CEP89: variants seen among roughly 807,000 people sequenced by gnomAD.
The protein encoded by CEP89 is centrosomal protein 89.
CEP89 carries 95 observed loss-of-function variants against 97.6 expected under a neutral mutation model. The ratio of observed to expected loss-of-function variants is 0.97; its 90% CI spans 0.82 to 1.15. CEP89 has a LOEUF of 1.15. Ranked by LOEUF, CEP89 falls within the 50% of genes most tolerant of loss-of-function variation. CEP89 has a pLI of 0.00. For synonymous variants in CEP89, 354 were observed against 349.1 expected, an observed-to-expected ratio of 1.01 and a Z score of -0.16; for missense variants, 869 against 947.7, an observed-to-expected ratio of 0.92 and a Z score of 1.09.
intron 16 of CEP89, among the ~76,000 whole-genome samples, chr19:32,891,930 A>C (rs1267937428): frequency 6.6e-6 from 1 of 151,552 alleles, no homozygotes; most frequent in Non-Finnish European, 1.5e-5. Flanking sequence ...GGGTGAAAAG[A>C]AGTTTAATGG....
At chr19:32,962,049 CAAAA>C (rs60927897) in intron 2 of CEP89, among the ~76,000 whole-genome samples, 1 of 138,356 alleles carries the variant, frequency 7.2e-6, no homozygotes. Flanking sequence ...TTTCCATATG[CAAAA>C]AAAAAAAAAA....
chr19:32,919,216 C>T (rs1970198486), intron 12 of CEP89, among the ~76,000 whole-genome samples: 1 of 152,002 alleles, frequency 6.6e-6, no homozygotes. Flanking sequence ...ATGAATCTGC[C>T]CCAGCTTTCC....
intron 4 of CEP89, among the ~76,000 whole-genome samples, chr19:32,951,091 T>C (rs1970902181): frequency 6.6e-6 from 1 of 152,140 alleles, no homozygotes; most frequent in South Asian, 2.1e-4. Context: ...TGAAAATGTA[T>C]CGAAATGTGC....
chr19:32,959,348 T>A (rs1971117149), intron 3 of CEP89, among the ~76,000 whole-genome samples: 1 of 152,096 alleles, frequency 6.6e-6, no homozygotes, highest in Admixed American at 6.6e-5. Context: ...TTCCTGTACA[T>A]CCTAAGCTCT....
intron 14 of CEP89, among the ~76,000 whole-genome samples, chr19:32,909,330 T>C (rs373493520): frequency 1.2e-4 from 19 of 152,180 alleles, no homozygotes; most frequent in African/African-American, 4.6e-4. Context: ...TGCATGCACC[T>C]TATCTATATA....
intron 7 of CEP89, among the ~76,000 whole-genome samples, chr19:32,934,556 G>A (rs535810926): frequency 1.2e-4 from 19 of 152,306 alleles, no homozygotes; most frequent in African/African-American, 4.1e-4. Context: ...GATGGCTGGT[G>A]GCTCCAGAGA....
chr19:32,884,962 C>A (rs1481139192), intron 17 of CEP89, among the ~76,000 whole-genome samples: 1 of 152,154 alleles, frequency 6.6e-6, no homozygotes, highest in Non-Finnish European at 1.5e-5. Context: ...TAGATCGTAT[C>A]CATTGGTTCC....
chr19:32,942,171 C>T (rs548384600), intron 5 of CEP89, among the ~76,000 whole-genome samples: 5 of 152,210 alleles, frequency 3.3e-5, no homozygotes, highest in African/African-American at 1.2e-4. Context: ...CGGTTGAGCC[C>T]GGGAGTTTGA....
At chr19:32,923,784 C>T (rs1173415725) in intron 11 of CEP89, among the ~76,000 whole-genome samples, 1 of 152,094 alleles carries the variant, frequency 6.6e-6, no homozygotes, top group Non-Finnish European at 1.5e-5. Context: ...AGAACCTGGG[C>T]TTTCGAGTAT....
At chr19:32,916,973 A>G (rs1168107274) in intron 13 of CEP89, among the ~76,000 whole-genome samples, 3 of 152,136 alleles carry the variant, frequency 2.0e-5, no homozygotes, top group Non-Finnish European at 4.4e-5. Flanking sequence ...ATGCCACTGC[A>G]CTCCAGTCTG....
intron 1 of CEP89, among the ~76,000 whole-genome samples, chr19:32,967,256 C>T (rs1971302821): frequency 6.6e-6 from 1 of 152,134 alleles, no homozygotes; most frequent in Non-Finnish European, 1.5e-5. Flanking sequence ...CTCCTATACA[C>T]AATGAAAGTC....
intron 3 of CEP89, among the ~76,000 whole-genome samples, chr19:32,954,037 T>A (rs1970995338): frequency 6.7e-6 from 1 of 149,568 alleles, no homozygotes; most frequent in South Asian, 2.1e-4. Flanking sequence ...CCTGGCTAAT[T>A]TTTTTTTTTG....
At chr19:32,904,515 C>T (rs1024270980) in intron 14 of CEP89, among the ~76,000 whole-genome samples, 32 of 151,944 alleles carry the variant, frequency 2.1e-4, no homozygotes, top group African/African-American at 7.5e-4. Flanking sequence ...TCGATGGTTC[C>T]TTCCTTTTAA....
chr19:32,926,395 T>A, intron 10 of CEP89, 122 bp from the exon 11 acceptor site: 1 of 726,842 alleles, frequency 1.4e-6, no homozygotes, highest in Non-Finnish European at 2.3e-6. Context: ...GTTGTTATTG[T>A]TTTTTAACGA....
In CEP89 at chr19:32,971,205, G is replaced by T. The variant is rs946615059; in HGVS notation, c.39+631C>A. On this transcript the variant is annotated intron_variant, in intron 1 of 18. Transcript: ENST00000305768. The stretch of plus-strand genomic sequence containing the variant: ...AACAGCTGGCAGATGTATGTAGTGG[G>T]TATATCGGATGGGACTTGCTGATGG... 11 of 290,536 alleles carry T rather than the reference G, an allele frequency of 3.8e-5. No individual in the cohort carries two copies. The Admixed American group carries it at 5.0e-4, about 13-fold the overall frequency. The allele number at this position is 290,536 out of a possible 1,614,324, so 18.0% of individuals were successfully genotyped here. A position where few individuals can be genotyped will look rare whatever the true frequency, so the allele number is the denominator to read the frequency against.
intron 2 of CEP89, among the ~76,000 whole-genome samples, chr19:32,960,905 G>C (rs1971153748): frequency 6.6e-6 from 1 of 152,172 alleles, no homozygotes; most frequent in Non-Finnish European, 1.5e-5. Context: ...GGAATGGGTG[G>C]AGCCAGGCAG....
At chr19:32,890,480 G>C (rs906036204) in intron 16 of CEP89, among the ~76,000 whole-genome samples, 1 of 152,170 alleles carries the variant, frequency 6.6e-6, no homozygotes, top group African/African-American at 2.4e-5. Context: ...CAGGATGTCA[G>C]ACTCCTCCAC....
intron 7 of CEP89, among the ~76,000 whole-genome samples, chr19:32,935,632 G>A (rs937812982): frequency 1.3e-5 from 2 of 152,180 alleles, no homozygotes; most frequent in African/African-American, 4.8e-5. Context: ...TTAATCTGAC[G>A]CGGAGGAGAC....
chr19:32,888,712 A>G (rs1193611472), intron 16 of CEP89, among the ~76,000 whole-genome samples: 14 of 151,992 alleles, frequency 9.2e-5, no homozygotes, highest in Admixed American at 9.2e-4. Context: ...AGTACCTAAG[A>G]CTATTGTGTC....
Sources: allele counts gnomAD v4.1 joint callset (sites outside exome capture counted in the v4.1 genomes callset), GRCh38; gene constraint gnomAD v4.1.1; transcripts MANE v1.5; gene names NCBI Gene and HGNC (gene_info 2026-07-23, HGNC 2026-07-21).